The following TOM1L2 variants were observed in gnomAD, a reference collection of about 807,000 sequenced individuals.
TOM1L2 encodes TOM1-like protein 2.
Under a neutral mutation model 67.9 loss-of-function variants are expected in TOM1L2, and 31 were observed. The ratio of observed to expected loss-of-function variants is 0.46; its 90% CI spans 0.34 to 0.62. TOM1L2 has a LOEUF of 0.62. Ranked by LOEUF, TOM1L2 falls within the 20% of genes least tolerant of loss-of-function variation. The pLI, the probability that TOM1L2 is intolerant of heterozygous loss-of-function variation, is 0.01. For synonymous variants in TOM1L2, 256 were observed against 254.0 expected, an observed-to-expected ratio of 1.01 and a Z score of -0.07; for missense variants, 606 against 663.5, an observed-to-expected ratio of 0.91 and a Z score of 0.95.
At chr17:17,930,678 T>A (rs1482049586) in intron 1 of TOM1L2, among the ~76,000 whole-genome samples, 1 of 152,186 alleles carries the variant, frequency 6.6e-6, no homozygotes, top group Admixed American at 6.5e-5. Context: ...CCAAAAGGAA[T>A]TTAGGGTAAT....
At chr17:17,851,632 G>A (rs2035986227) in intron 12 of TOM1L2, among the ~76,000 whole-genome samples, 1 of 152,132 alleles carries the variant, frequency 6.6e-6, no homozygotes, top group Admixed American at 6.5e-5. Context: ...ATGACAAAGG[G>A]GACTATGGGG....
chr17:17,962,105 T>G (rs1431208263), intron 1 of TOM1L2, among the ~76,000 whole-genome samples: 1 of 152,172 alleles, frequency 6.6e-6, no homozygotes, highest in Non-Finnish European at 1.5e-5. Flanking sequence ...GCAAGTGAAG[T>G]CAGTCATGAA....
rs543246635 is a variant in TOM1L2 at position 17,923,551 on chromosome 17, G to A, written c.53-16020C>T. On this transcript the variant is annotated intron_variant, in intron 1 of 14. Coordinates refer to ENST00000379504, the MANE Select transcript of TOM1L2 (RefSeq NM_001082968.2). ...AAAATTTTTTTTTAATTAGCTGGGC[G>A]CAGTGGTGAGCATCTGTAGTTTCAC... 4.6e-5 allele frequency among the ~76,000 whole-genome samples: 7 copies of A among 152,088 alleles called. No individual in the cohort carries two copies. The East Asian group carries it at 5.8e-4, about 13-fold the overall frequency.
intron 2 of TOM1L2, among the ~76,000 whole-genome samples, chr17:17,905,577 C>T (rs912166405): frequency 6.6e-6 from 1 of 152,158 alleles, no homozygotes; most frequent in African/African-American, 2.4e-5. Flanking sequence ...CTTACTCTGT[C>T]GCCCAGGCTA....
chr17:17,935,053 A>G (rs144605645), intron 1 of TOM1L2, among the ~76,000 whole-genome samples: 1 of 152,390 alleles, frequency 6.6e-6, no homozygotes, highest in East Asian at 1.9e-4. Context: ...ACCAAAATGC[A>G]CAAGACCCCA....
chr17:17,964,892 G>C (rs911517724), intron 1 of TOM1L2, among the ~76,000 whole-genome samples: 1 of 152,232 alleles, frequency 6.6e-6, no homozygotes, highest in South Asian at 2.1e-4. Flanking sequence ...AACAGAGCAG[G>C]AGGAGGAGCA....
At chr17:17,966,601 C>T (rs1410307103) in intron 1 of TOM1L2, among the ~76,000 whole-genome samples, 2 of 152,176 alleles carry the variant, frequency 1.3e-5, no homozygotes, top group East Asian at 3.8e-4. Context: ...GCGGCTGAAT[C>T]ATGAGCTCAG....
Position 17,880,616 on chromosome 17 carries a change from C to T in TOM1L2, c.661-873G>A, listed in dbSNP as rs546556383. Among the ~76,000 whole-genome samples, 5 of 152,298 alleles carry T rather than the reference C, an allele frequency of 3.3e-5. No homozygotes were observed. In the South Asian group the frequency reaches 8.3e-4, roughly 25 times the overall value. ...CACTCAGTGACAAGAGACCAAATAACGCTGGACAGAGGTCAAGAACTGCAC... is the reference window on the plus strand; with the variant it reads ...CACTCAGTGACAAGAGACCAAATAATGCTGGACAGAGGTCAAGAACTGCAC... On this transcript the variant is annotated intron_variant, in intron 6 of 14. Transcript: ENST00000379504.
chr17:17,898,151 C>T (rs899372012), intron 3 of TOM1L2, among the ~76,000 whole-genome samples: 1 of 152,026 alleles, frequency 6.6e-6, no homozygotes, highest in Non-Finnish European at 1.5e-5. Flanking sequence ...GTCTTGAACT[C>T]CTGACCTTGA....
chr17:17,857,983 C>T, intron 12 of TOM1L2: 1 of 797,894 alleles, frequency 1.3e-6, no homozygotes, highest in South Asian at 1.6e-5. Flanking sequence ...TGCTCCCAAC[C>T]TCCACCCCAG....
chr17:17,915,319 G>C (rs1422960335), intron 1 of TOM1L2, among the ~76,000 whole-genome samples: 1 of 152,172 alleles, frequency 6.6e-6, no homozygotes, highest in Non-Finnish European at 1.5e-5. Flanking sequence ...TTTAGAGACA[G>C]AACTAGGATC....
chr17:17,913,184 A>AGGGAGAGGGAGACCGTGGGGAGAC (rs2039475300), intron 1 of TOM1L2, among the ~76,000 whole-genome samples: 1 of 150,154 alleles, frequency 6.7e-6, no homozygotes, highest in Non-Finnish European at 1.5e-5. Flanking sequence ...GTGGAAACAG[A>AGGGAGAGGGAGACCGTGGGGAGAC]GGGAGAGGGA....
At chr17:17,870,035 C>T (rs1343845893) in intron 7 of TOM1L2, 3 of 152,322 alleles carry the variant, frequency 2.0e-5, no homozygotes, top group African/African-American at 7.2e-5. Flanking sequence ...TCATTTATAA[C>T]ATTAATTAGT....
At chr17:17,907,593 A>C in intron 1 of TOM1L2, 62 bp from the exon 2 acceptor site, 1 of 1,487,024 alleles carries the variant, frequency 6.7e-7, no homozygotes, top group Non-Finnish European at 9.3e-7. Context: ...CTTGGCAGGA[A>C]ATGGGAAGAG....
chr17:17,864,297 G>A (rs1427386652), intron 10 of TOM1L2, among the ~76,000 whole-genome samples: 1 of 149,580 alleles, frequency 6.7e-6, no homozygotes, highest in African/African-American at 2.5e-5. Flanking sequence ...TGCAAGCTCC[G>A]CCTCCCGGGT....
chr17:17,961,533 C>A (rs1321572077), intron 1 of TOM1L2, among the ~76,000 whole-genome samples: 1 of 151,860 alleles, frequency 6.6e-6, no homozygotes, highest in African/African-American at 2.4e-5. Flanking sequence ...TATGATCATG[C>A]CACTGTACTC....
At chr17:17,858,003 C>A in intron 12 of TOM1L2, 1 of 675,840 alleles carries the variant, frequency 1.5e-6, no homozygotes, top group Non-Finnish European at 2.5e-6. Context: ...GCACGTCCCC[C>A]TTACCTGCCT....
chr17:17,928,450 ATAC>A (rs2040186915), intron 1 of TOM1L2, among the ~76,000 whole-genome samples: 1 of 152,270 alleles, frequency 6.6e-6, no homozygotes, highest in Non-Finnish European at 1.5e-5. Context: ...TATTATGTGC[ATAC>A]TAATCACCAC....
chr17:17,893,651 T>C lies in TOM1L2; in HGVS notation c.366+10A>G. On this transcript the variant is annotated intron_variant, in intron 4 of 14. Transcript: ENST00000379504. Reference sequence around the variant, plus strand: ...CTGTTCCAACAAATTGGGCAAGGGGTCCAACCTACCTGGATCAGAGCAAGC... The same window carrying C: ...CTGTTCCAACAAATTGGGCAAGGGGCCCAACCTACCTGGATCAGAGCAAGC... 1 of 1,612,060 alleles carries C rather than the reference T, an allele frequency of 6.2e-7. No individual in the cohort carries two copies. The highest frequency in any genetic ancestry group is 8.5e-7 in the Non-Finnish European group (1 of 1,179,004).
Sources: gnomAD v4.1 joint callset for allele counts (sites outside exome capture counted in the v4.1 genomes callset) on GRCh38, gnomAD v4.1.1 for gene constraint, MANE v1.5 for transcripts, NCBI Gene and HGNC (gene_info 2026-07-23, HGNC 2026-07-21) for gene names.